Variants in MAGI1 observed in about 807,000 individuals in gnomAD.
MAGI1 encodes the protein membrane-associated guanylate kinase, WW and PDZ domain-containing protein 1.
Under a neutral mutation model 139.9 loss-of-function variants are expected in MAGI1, and 58 were observed. The observed-to-expected ratio is 0.41, with a 90% CI of 0.34 to 0.52. The LOEUF is 0.52. MAGI1 is among the 20% of genes least tolerant of loss of function. The pLI, the probability that MAGI1 is intolerant of heterozygous loss-of-function variation, is 0.12. For synonymous variants in MAGI1, 812 were observed against 737.9 expected (o/e 1.10, Z -1.63); for missense variants, 1,874 against 1,901.6 (o/e 0.99, Z 0.27).
intron 1 of MAGI1, among the ~76,000 whole-genome samples, chr3:65,715,665 A>G (rs2032146914): frequency 6.6e-6 from 1 of 152,212 alleles, no homozygotes; most frequent in South Asian, 2.1e-4. Context: ...TAAAAAAGAA[A>G]TCACTTGGGG....
At chr3:65,825,318 C>G (rs141116045) in intron 1 of MAGI1, among the ~76,000 whole-genome samples, 4,214 of 152,282 alleles carry the variant, frequency 0.028, 102 homozygotes, top group Middle Eastern at 0.044. Context: ...AAAGAACTAT[C>G]CTTAAAATCA....
intron 1 of MAGI1, among the ~76,000 whole-genome samples, chr3:65,745,039 C>A (rs1053325123): frequency 9.2e-5 from 14 of 152,060 alleles, no homozygotes; most frequent in Non-Finnish European, 2.9e-5. Context: ...ATCTTCCATA[C>A]AAGCAGAATC....
At chr3:65,401,332 G>A (rs1267932847) in intron 13 of MAGI1, 107 bp downstream of exon 13, 4 of 1,406,758 alleles carry the variant, frequency 2.8e-6, no homozygotes. Flanking sequence ...CCCATCCACT[G>A]TAAAACACAT....
At chr3:65,504,233 T>A (rs1011852481) in intron 2 of MAGI1, among the ~76,000 whole-genome samples, 1 of 152,314 alleles carries the variant, frequency 6.6e-6, no homozygotes, top group East Asian at 1.9e-4. Flanking sequence ...GCTCTGACTA[T>A]ATCACAGAAT....
At chr3:65,731,099 T>C (rs2034142565) in intron 1 of MAGI1, among the ~76,000 whole-genome samples, 1 of 152,108 alleles carries the variant, frequency 6.6e-6, no homozygotes, top group South Asian at 2.1e-4. Flanking sequence ...TGAAGGGTGA[T>C]CAAAATGTCC....
intron 1 of MAGI1, among the ~76,000 whole-genome samples, chr3:65,983,877 A>G (rs1243660581): frequency 2.0e-5 from 3 of 152,364 alleles, no homozygotes; most frequent in African/African-American, 7.2e-5. Context: ...AGTACAGTTT[A>G]TAAGTTGGTG....
intron 1 of MAGI1, among the ~76,000 whole-genome samples, chr3:65,799,916 A>C (rs2040408358): frequency 6.6e-6 from 1 of 152,208 alleles, no homozygotes; most frequent in Non-Finnish European, 1.5e-5. Context: ...GAAGTTGAAA[A>C]AAATAGATAA....
chr3:65,938,971 G>C (rs2063184043), intron 1 of MAGI1, among the ~76,000 whole-genome samples: 1 of 152,106 alleles, frequency 6.6e-6, no homozygotes, highest in Non-Finnish European at 1.5e-5. Flanking sequence ...ATCCTGTCCT[G>C]TTTAACTCAT....
At chr3:65,548,595 T>G (rs1482613176) in intron 2 of MAGI1, among the ~76,000 whole-genome samples, 1 of 136,172 alleles carries the variant, frequency 7.3e-6, no homozygotes, top group Non-Finnish European at 1.5e-5. Flanking sequence ...CGATCTCAGC[T>G]CACTGCAACC....
intron 2 of MAGI1, among the ~76,000 whole-genome samples, chr3:65,611,646 TTA>T (rs1559719712): frequency 6.8e-6 from 1 of 146,802 alleles, no homozygotes; most frequent in Non-Finnish European, 1.5e-5. Flanking sequence ...TATACTAGTA[TTA>T]TATATACTAT....
At chr3:65,895,774 T>C (rs2060944137) in intron 1 of MAGI1, among the ~76,000 whole-genome samples, 1 of 152,216 alleles carries the variant, frequency 6.6e-6, no homozygotes, top group African/African-American at 2.4e-5. Flanking sequence ...ACCATCAATA[T>C]ATTTGCTTCT....
Position 65,506,318 on chromosome 3 carries a change from C to G in MAGI1, c.431-12687G>C, listed in dbSNP as rs2077287246. Reference sequence around the variant, plus strand: ...TAACCTGGTCATAATATGCATTAACCATGACAACAACAGTATCTGCCCACG... The same window carrying G: ...TAACCTGGTCATAATATGCATTAACGATGACAACAACAGTATCTGCCCACG... On this transcript the variant is annotated intron_variant, in intron 2 of 22. Transcript: ENST00000402939. 2.6e-5 allele frequency among the ~76,000 whole-genome samples: 4 copies of G among 152,074 alleles called. No homozygotes were observed. In the South Asian group the frequency reaches 8.3e-4, roughly 32 times the overall value.
intron 1 of MAGI1, among the ~76,000 whole-genome samples, chr3:65,839,568 G>T (rs2058737848): frequency 6.6e-6 from 1 of 152,104 alleles, no homozygotes; most frequent in Non-Finnish European, 1.5e-5. Flanking sequence ...AAAATAAGCT[G>T]AGCCTAAGCT....
At chr3:65,754,574 A>C (rs2036412949) in intron 1 of MAGI1, among the ~76,000 whole-genome samples, 1 of 152,104 alleles carries the variant, frequency 6.6e-6, no homozygotes, top group Non-Finnish European at 1.5e-5. Context: ...TATCACTGCC[A>C]CTTTCAAAGG....
rs1177037112 is a variant in MAGI1, at chr3:65,379,268, C to T, written c.2988G>A (p.Thr996=). ...TTCACGTTCAGCACTCACCAAAGGTCGTGCCTGCTTCGGGCCTGCTCACCG... is the reference window on the plus strand; with the variant it reads ...TTCACGTTCAGCACTCACCAAAGGTTGTGCCTGCTTCGGGCCTGCTCACCG... ...VSSVSRPEAG[T]TFGNACVAMP... is the part of the protein sequence containing the mutation. Residue 996 remains threonine (T), a synonymous_variant, in exon 17 of 23, where the codon ACG becomes ACA. Transcript: ENST00000402939. 1.9e-5 allele frequency: 31 copies of T among 1,611,742 alleles called. No individual in the cohort carries two copies. The highest frequency in any genetic ancestry group is 3.3e-5 in the Admixed American group (2 of 59,838).
At chr3:65,889,407 G>A (rs1475706787) in intron 1 of MAGI1, among the ~76,000 whole-genome samples, 3 of 152,146 alleles carry the variant, frequency 2.0e-5, no homozygotes, top group Admixed American at 6.6e-5. Context: ...TGGGCTTAGC[G>A]ACACACTCAA....
chr3:65,868,250 G>A (rs1237977714), intron 1 of MAGI1, among the ~76,000 whole-genome samples: 1 of 152,156 alleles, frequency 6.6e-6, no homozygotes, highest in Non-Finnish European at 1.5e-5. Flanking sequence ...GAGGATGGAT[G>A]ACAGTGATCA....
In MAGI1 at chr3:65,381,978, G is replaced by A; in HGVS notation, c.2600C>T (p.Pro867Leu). 2 of 1,614,104 alleles carry A rather than the reference G, an allele frequency of 1.2e-6. No individual in the cohort carries two copies. The highest frequency in any genetic ancestry group is 1.7e-6 in the Non-Finnish European group (2 of 1,180,012). The change falls in exon 16 of 23, where the codon CCA becomes CTA. Residue 867 changes from proline (P) to leucine (L), a missense_variant. Pro to Leu is a moderately conservative substitution (Grantham distance 98). Transcript: ENST00000402939. Reference protein sequence around the residue: ...GDELICVDGTPVIGKSHQLVV... With the variant: ...GDELICVDGTLVIGKSHQLVV... ...AAGCTGGTGTGATTTTCCAATTACT[G>A]GCGTCCCATCCACACAGATTAATTC...
chr3:65,832,310 C>A (rs1220006105), intron 1 of MAGI1, among the ~76,000 whole-genome samples: 1 of 152,106 alleles, frequency 6.6e-6, no homozygotes, highest in Admixed American at 6.6e-5. Flanking sequence ...ACAAATGATG[C>A]CAAGGGAGGG....
Sources: allele counts gnomAD v4.1 joint callset (sites outside exome capture counted in the v4.1 genomes callset), GRCh38; gene constraint gnomAD v4.1.1; transcripts MANE v1.5; gene names NCBI Gene and HGNC (gene_info 2026-07-23, HGNC 2026-07-21).